The following PRLR variants were observed in gnomAD, a reference collection of about 807,000 sequenced individuals.
PRLR encodes the protein prolactin receptor.
In PRLR, 13 loss-of-function variants were observed where a neutral mutation model predicts 40.2. That is an observed-to-expected ratio of 0.32 (90% confidence interval 0.21 to 0.51). The LOEUF is 0.51. Among genes scored for constraint, PRLR ranks in the 20% least tolerant of loss-of-function variants. The probability of loss-of-function intolerance (pLI) is 0.97; values close to 1 mark genes in which losing one functional copy is unlikely to be tolerated. For missense variants in PRLR, 656 were observed against 747.3 expected (o/e 0.88, Z 1.42); for synonymous variants, 269 against 278.7 (o/e 0.97, Z 0.35).
chr5:35,187,860 A>T (rs1314456936), intron 1 of PRLR, among the ~76,000 whole-genome samples: 2 of 152,182 alleles, frequency 1.3e-5, no homozygotes, highest in Non-Finnish European at 2.9e-5. Flanking sequence ...CAAGAGGGAG[A>T]GAGCCCCATT....
intron 1 of PRLR, among the ~76,000 whole-genome samples, chr5:35,134,719 C>A (rs1357756757): frequency 1.3e-4 from 20 of 152,122 alleles, no homozygotes; most frequent in Admixed American, 1.3e-3. Context: ...AGTAAAGTGG[C>A]AAGAAAGCAA....
chr5:35,106,703 C>G (rs886102311), intron 2 of PRLR, among the ~76,000 whole-genome samples: 3 of 152,184 alleles, frequency 2.0e-5, no homozygotes, highest in African/African-American at 4.8e-5. Context: ...GCACCCAATA[C>G]AGGAGCACCC....
exon 9 of PRLR, chr5:35,048,989 C>A: frequency 2.3e-6 from 1 of 431,544 alleles, no homozygotes; most frequent in Non-Finnish European, 4.6e-6. Flanking sequence ...CAAACACCTG[C>A]ATAACAACCT....
chr5:35,116,356 T>G (rs570292088), intron 2 of PRLR, among the ~76,000 whole-genome samples: 1,778 of 152,274 alleles, frequency 0.012, 30 homozygotes, highest in African/African-American at 0.041. Context: ...CTCTTTAGAG[T>G]GGTGACCTGT....
chr5:35,078,287 C>T (rs1398376470), intron 5 of PRLR, among the ~76,000 whole-genome samples: 1 of 151,534 alleles, frequency 6.6e-6, no homozygotes, highest in African/African-American at 2.4e-5. Flanking sequence ...AAAAGATCAA[C>T]AAAATTAATA....
chr5:35,171,454 C>T (rs950080153), intron 1 of PRLR, among the ~76,000 whole-genome samples: 45 of 152,174 alleles, frequency 3.0e-4, no homozygotes, highest in African/African-American at 1.1e-3. Context: ...ACCATCATCT[C>T]AGTAACTCCT....
chr5:35,136,873 A>G (rs967582508), intron 1 of PRLR, among the ~76,000 whole-genome samples: 2 of 151,908 alleles, frequency 1.3e-5, no homozygotes, highest in African/African-American at 4.8e-5. Flanking sequence ...TGGCATTTCT[A>G]TTAAATTCCC....
intron 1 of PRLR, among the ~76,000 whole-genome samples, chr5:35,121,361 A>G (rs1341754725): frequency 6.6e-6 from 1 of 152,172 alleles, no homozygotes; most frequent in African/African-American, 2.4e-5. Context: ...CTACGTTCCT[A>G]GAGGGAAGGG....
At chr5:35,224,302 G>C (rs1776497635) in intron 1 of PRLR, among the ~76,000 whole-genome samples, 1 of 152,166 alleles carries the variant, frequency 6.6e-6, no homozygotes, top group Non-Finnish European at 1.5e-5. Flanking sequence ...CTAGGGAGAA[G>C]GTGACTTTTT....
intron 1 of PRLR, among the ~76,000 whole-genome samples, chr5:35,125,962 C>T (rs891577975): frequency 2.6e-5 from 4 of 152,144 alleles, no homozygotes; most frequent in Admixed American, 1.3e-4. Flanking sequence ...ATGACCCTTA[C>T]GAAGCAGCAA....
In PRLR at chr5:35,056,062, T is replaced by C. The variant is rs1461270091; in HGVS notation, c.*9027A>G. On this transcript the variant is annotated 3_prime_UTR_variant, in exon 10 of 10. Coordinates refer to ENST00000618457, the MANE Select transcript of PRLR (RefSeq NM_000949.7). ...ATTTGACCCACATCCTCTTTCCTTTTCTTAAGAAAATATTTTATCACATTC... is the reference window on the plus strand; with the variant it reads ...ATTTGACCCACATCCTCTTTCCTTTCCTTAAGAAAATATTTTATCACATTC... The C allele has an allele frequency of 1.3e-5, 2 of 152,216 alleles. No individual in the cohort carries two copies. The highest frequency in any genetic ancestry group is 2.9e-5 in the Non-Finnish European group (2 of 68,026). 9.4% of individuals were successfully genotyped at this position (152,216 alleles called of 1,614,324 possible).
chr5:35,183,840 CACA>C (rs1451660290), intron 1 of PRLR, among the ~76,000 whole-genome samples: 3 of 152,168 alleles, frequency 2.0e-5, no homozygotes, highest in Admixed American at 6.5e-5. Flanking sequence ...GTGAGAAAAC[CACA>C]ACAAGTATGG....
rs937978300 is a variant in PRLR at position 35,102,875 on chromosome 5, C to T, written c.-43-13212G>A. Among the ~76,000 whole-genome samples the T allele has an allele frequency of 3.3e-5, 5 of 152,116 alleles. No individual in the cohort carries two copies. In the South Asian group the frequency reaches 1.0e-3, roughly 32 times the overall value. The stretch of plus-strand genomic sequence containing the variant: ...TTTTTAATGTCTTTTTCTTTACATT[C>T]AATTTAACAGCTAATAGTTCTCACT... On this transcript the variant is annotated intron_variant, in intron 2 of 9. Transcript: ENST00000618457.
At chr5:35,218,470 C>T (rs1488660704) in intron 1 of PRLR, among the ~76,000 whole-genome samples, 8 of 152,126 alleles carry the variant, frequency 5.3e-5, no homozygotes, top group African/African-American at 1.9e-4. Context: ...ATAGCCATTG[C>T]TGAATAGTTC....
chr5:35,110,980 A>G (rs942671715), intron 2 of PRLR, among the ~76,000 whole-genome samples: 1 of 152,148 alleles, frequency 6.6e-6, no homozygotes, highest in African/African-American at 2.4e-5. Flanking sequence ...ATCTTGACCT[A>G]TCTTTCTCTG....
intron 1 of PRLR, among the ~76,000 whole-genome samples, chr5:35,206,834 C>T (rs1472293702): frequency 6.6e-6 from 1 of 151,732 alleles, no homozygotes; most frequent in African/African-American, 2.4e-5. Flanking sequence ...AATTATTTTT[C>T]TAAAAAAAGA....
In PRLR at chr5:35,049,401, G is replaced by A. The variant is rs963981027; in HGVS notation, c.1017C>T (p.Pro339=). Residue 339 remains proline (P), a synonymous_variant, in exon 9 of 9, where the codon CCC becomes CCT. Transcript: ENST00000231423. ...TGTAATGAGAGGCACCCAACATCAA[G>A]GGGTCACCTGGAGTGGGGAAGAAAA... The A allele has an allele frequency of 4.1e-5, 29 of 702,942 alleles. No homozygotes were observed. In the African/African-American group the frequency reaches 4.9e-4, roughly 12 times the overall value. 43.5% of individuals were successfully genotyped at this position (702,942 alleles called of 1,614,324 possible). A position where few individuals can be genotyped will look rare whatever the true frequency, so the allele number is the denominator to read the frequency against.
At chr5:35,081,778 AACACAC>A (rs71974696) in intron 5 of PRLR, 8,374 of 136,758 alleles carry the variant, frequency 0.061, 259 homozygotes, top group Middle Eastern at 0.12. Flanking sequence ...GCAATACACA[AACACAC>A]ACACACACAC....
intron 5 of PRLR, among the ~76,000 whole-genome samples, chr5:35,078,811 A>G (rs1435053017): frequency 6.6e-6 from 1 of 152,242 alleles, no homozygotes; most frequent in Admixed American, 6.5e-5. Flanking sequence ...AATCCTCAGT[A>G]AAATACTGGC....
Sources: allele counts gnomAD v4.1 joint callset (sites outside exome capture counted in the v4.1 genomes callset), GRCh38; gene constraint gnomAD v4.1.1; transcripts MANE v1.5; gene names NCBI Gene and HGNC (gene_info 2026-07-23, HGNC 2026-07-21).